KCNQ1: variants seen among roughly 807,000 people sequenced by gnomAD.
KCNQ1 encodes potassium voltage-gated channel subfamily Q member 1.
KCNQ1 carries 49 observed loss-of-function variants against 72.4 expected under a neutral mutation model. That is an observed-to-expected ratio of 0.68 (90% CI 0.54 to 0.86). The LOEUF is 0.86. Ranked by LOEUF, KCNQ1 falls within the 40% of genes least tolerant of loss-of-function variation. KCNQ1 has a pLI of 0.00. For synonymous variants in KCNQ1, 450 were observed against 412.6 expected (o/e 1.09, Z -1.10); for missense variants, 790 against 945.1 (o/e 0.84, Z 2.15).
chr11:2,804,506 C>T (rs543764882), intron 15 of KCNQ1, among the ~76,000 whole-genome samples: 5 of 152,378 alleles, frequency 3.3e-5, no homozygotes, highest in African/African-American at 9.6e-5. Flanking sequence ...GGCTGCTCCC[C>T]TCAGAGGGCT....
At chr11:2,821,255 T>G (rs1847730766) in intron 15 of KCNQ1, among the ~76,000 whole-genome samples, 1 of 152,198 alleles carries the variant, frequency 6.6e-6, no homozygotes, top group South Asian at 2.1e-4. Context: ...GCTGTGTGAC[T>G]CCAGGTGCAG....
At chr11:2,520,516 C>T (rs1847364050) in intron 1 of KCNQ1, among the ~76,000 whole-genome samples, 1 of 152,160 alleles carries the variant, frequency 6.6e-6, no homozygotes, top group Non-Finnish European at 1.5e-5. Flanking sequence ...AGGGGGGTGA[C>T]AGCCACTGGT....
At chr11:2,555,632 G>A (rs1279683195) in intron 2 of KCNQ1, among the ~76,000 whole-genome samples, 1 of 152,236 alleles carries the variant, frequency 6.6e-6, no homozygotes, top group Non-Finnish European at 1.5e-5. Flanking sequence ...CCCAAACTGT[G>A]GGGCTCAGCA....
rs142171884 is a variant in KCNQ1, at chr11:2,515,449, C to A, written c.387-12479C>A. On this transcript the variant is annotated intron_variant, in intron 1 of 15. Coordinates refer to ENST00000155840, the MANE Select transcript of KCNQ1 (RefSeq NM_000218.3). The surrounding 1 kb of genome is among the most constrained non-coding windows in gnomAD (Gnocchi z 4.7). ...GGGAGGCCTGTCCACCCCTCCCACC[C>A]GTCCCCGAGGCCCCTGCTGCCCAGC... 6.6e-6 allele frequency among the ~76,000 whole-genome samples: 1 copy of A among 152,030 alleles called. No homozygotes were observed. Among genetic ancestry groups the A allele is most frequent in the African/African-American group, 2.4e-5 (1 of 41,440 alleles).
At chr11:2,794,447 A>G (rs942193823) in intron 15 of KCNQ1, among the ~76,000 whole-genome samples, 2 of 152,100 alleles carry the variant, frequency 1.3e-5, no homozygotes, top group Non-Finnish European at 2.9e-5. Context: ...GAAAAGAGGA[A>G]GAAGATGGGG....
In KCNQ1 at chr11:2,752,757, T is replaced by C. The variant is rs1359918690; in HGVS notation, c.1515-16087T>C. Among the ~76,000 whole-genome samples, 1 of 152,150 alleles carries C rather than the reference T, an allele frequency of 6.6e-6. No individual in the cohort carries two copies. The highest frequency in any genetic ancestry group is 1.5e-5 in the Non-Finnish European group (1 of 68,022). ...CAGGGCTGCGGGTTAGCTTTCGACA[T>C]AGGGACTTTGGGAAGACACACACAT... On this transcript the variant is annotated intron_variant, in intron 11 of 15. Transcript: ENST00000155840. This position sits in a 1 kb window ranked among gnomAD's most constrained non-coding sequence, Gnocchi z 5.2.
At chr11:2,780,329 T>C (rs1195844776) in intron 15 of KCNQ1, among the ~76,000 whole-genome samples, 1 of 152,192 alleles carries the variant, frequency 6.6e-6, no homozygotes, top group African/African-American at 2.4e-5. Flanking sequence ...CCGTTATCAG[T>C]GCAGCCATCG....
intron 11 of KCNQ1, among the ~76,000 whole-genome samples, chr11:2,729,843 G>C (rs1016569566): frequency 3.3e-5 from 5 of 152,280 alleles, no homozygotes; most frequent in African/African-American, 1.2e-4. Flanking sequence ...GGAAAACAAA[G>C]ACAGGCAGGG....
At position 2,497,689 on chromosome 11, in the gene KCNQ1, C is replaced by T. The variant is rs192231451; in HGVS notation, c.387-30239C>T. Among the ~76,000 whole-genome samples the T allele has an allele frequency of 3.9e-5, 6 of 152,294 alleles. No individual in the cohort carries two copies. Among genetic ancestry groups the T allele is most frequent in the East Asian group, 1.9e-4 (1 of 5,166 alleles). The stretch of plus-strand genomic sequence containing the variant: ...CTGTCAATTCGTCAGTCTCATTCTC[C>T]GTCCAGTTTTGTGCCCTTGCTGGAG... On this transcript the variant is annotated intron_variant, in intron 1 of 15. Transcript: ENST00000155840. This position sits in a 1 kb window ranked among gnomAD's most constrained non-coding sequence, Gnocchi z 4.5.
chr11:2,792,854 G>C (rs1030669830), intron 15 of KCNQ1, among the ~76,000 whole-genome samples: 6 of 152,218 alleles, frequency 3.9e-5, no homozygotes, highest in Non-Finnish European at 8.8e-5. Flanking sequence ...AGGTGAGCCT[G>C]ACAGCGGGGC....
intron 1 of KCNQ1, chr11:2,461,675 G>C (rs771403271): frequency 5.9e-6 from 8 of 1,367,058 alleles, no homozygotes; most frequent in South Asian, 4.5e-5. Context: ...CCCTGGGAAA[G>C]AGCCTGTGCT....
rs974422701 is a variant in KCNQ1 at position 2,537,266 on chromosome 11, C to T, written c.477+9248C>T. The stretch of plus-strand genomic sequence containing the variant: ...TGCCTCTGGCTGCTTTGTGCCATGG[C>T]AGATTTGAGTCCTGCCATGGAGACC... On this transcript the variant is annotated intron_variant, in intron 2 of 15. Coordinates refer to ENST00000155840, the MANE Select transcript of KCNQ1 (RefSeq NM_000218.3). The surrounding 1 kb of genome is among the most constrained non-coding windows in gnomAD (Gnocchi z 5.2). Among the ~76,000 whole-genome samples, 5 of 152,036 alleles carry T rather than the reference C, an allele frequency of 3.3e-5. No individual in the cohort carries two copies. The highest frequency in any genetic ancestry group is 1.2e-4 in the African/African-American group (5 of 41,290).
chr11:2,845,145 C>T (rs375117652), intron 15 of KCNQ1, among the ~76,000 whole-genome samples: 7 of 152,214 alleles, frequency 4.6e-5, no homozygotes, highest in Admixed American at 6.5e-5. Context: ...GCAGCAGGAG[C>T]CACGGGGGTC....
chr11:2,707,299 C>A (rs900042720), intron 11 of KCNQ1, among the ~76,000 whole-genome samples: 1 of 152,196 alleles, frequency 6.6e-6, no homozygotes, highest in Non-Finnish European at 1.5e-5. Flanking sequence ...GCTGTAACGT[C>A]CACTGGAATA....
In KCNQ1 at chr11:2,653,798, C is replaced by T. The variant is rs1411485158; in HGVS notation, c.1394-8163C>T. 1.3e-5 allele frequency: 5 copies of T among 398,528 alleles called. No individual in the cohort carries two copies. Among genetic ancestry groups the T allele is most frequent in the African/African-American group, 2.1e-5 (1 of 48,628 alleles). 24.7% of individuals were successfully genotyped at this position (398,528 alleles called of 1,614,324 possible). On this transcript the variant is annotated intron_variant, in intron 10 of 15. Transcript: ENST00000155840. The surrounding 1 kb of genome is among the most constrained non-coding windows in gnomAD (Gnocchi z 5.3). The stretch of plus-strand genomic sequence containing the variant: ...ATCCTTGGACCTGCAGCTGTACCTC[C>T]GATGGCTGAGGCAAGGTCCACAGGG...
rs772295383 is a variant in KCNQ1, at chr11:2,549,637, G to T, written c.478-20991G>T. On this transcript the variant is annotated intron_variant, in intron 2 of 15. Coordinates refer to ENST00000155840, the MANE Select transcript of KCNQ1 (RefSeq NM_000218.3). This position sits in a 1 kb window ranked among gnomAD's most constrained non-coding sequence, Gnocchi z 6.2. ...TCTGCGAGGCCCGGGGTAGGGGCGTGGGGGGGCCTCCTCCTCCCAAGCACC... is the reference window on the plus strand; with the variant it reads ...TCTGCGAGGCCCGGGGTAGGGGCGTTGGGGGGCCTCCTCCTCCCAAGCACC... Among the ~76,000 whole-genome samples, 2 of 151,760 alleles carry T rather than the reference G, an allele frequency of 1.3e-5. No homozygotes were observed. The highest frequency in any genetic ancestry group is 2.9e-5 in the Non-Finnish European group (2 of 67,864).
At chr11:2,520,331 C>T (rs912812509) in intron 1 of KCNQ1, among the ~76,000 whole-genome samples, 2 of 152,234 alleles carry the variant, frequency 1.3e-5, no homozygotes, top group African/African-American at 4.8e-5. Flanking sequence ...GAACCTGTGC[C>T]TAGTGTCCAG....
chr11:2,737,193 G>T (rs1162052397), intron 11 of KCNQ1, among the ~76,000 whole-genome samples: 1 of 152,200 alleles, frequency 6.6e-6, no homozygotes, highest in Non-Finnish European at 1.5e-5. Flanking sequence ...GTATTCCACA[G>T]GGTAAGCAGA....
At chr11:2,618,308 TA>T (rs574206243) in intron 10 of KCNQ1, 9 of 398,342 alleles carry the variant, frequency 2.3e-5, no homozygotes, top group Non-Finnish European at 4.0e-5. Flanking sequence ...GCTGATGGGC[TA>T]AAAAAATGCA....
Sources: gnomAD v4.1 joint callset for allele counts (sites outside exome capture counted in the v4.1 genomes callset) on GRCh38, gnomAD v4.1.1 for gene constraint, Gnocchi (gnomAD v3.1) non-coding constraint, MANE v1.5 for transcripts, NCBI Gene and HGNC (gene_info 2026-07-23, HGNC 2026-07-21) for gene names.